Variants in AFAP1 observed in about 807,000 individuals in gnomAD.
AFAP1 encodes actin filament-associated protein 1.
Under a neutral mutation model 93.9 loss-of-function variants are expected in AFAP1, and 75 were observed. The observed-to-expected ratio is 0.80, with a 90% confidence interval of 0.66 to 0.97. The LOEUF (loss-of-function observed/expected upper bound fraction) is 0.97. Among genes scored for constraint, AFAP1 ranks in the 50% least tolerant of loss-of-function variants. The pLI, the probability that AFAP1 is intolerant of heterozygous loss-of-function variation, is 0.00. For missense variants in AFAP1, 1,201 were observed against 1,050.8 expected, an observed-to-expected ratio of 1.14 and a Z score of -1.98; for synonymous variants, 517 against 430.7, an observed-to-expected ratio of 1.20 and a Z score of -2.48.
chr4:7,839,182 A>G (rs1170355622), intron 5 of AFAP1, among the ~76,000 whole-genome samples: 1 of 152,070 alleles, frequency 6.6e-6, no homozygotes, highest in African/African-American at 2.4e-5. Context: ...CAAAAACATA[A>G]AAAATTAGCC....
chr4:7,816,201 A>C, intron 7 of AFAP1, 102 bp from the exon 8 acceptor site: 1 of 987,414 alleles, frequency 1.0e-6, no homozygotes, highest in East Asian at 2.5e-5. Context: ...AAGAAAACAC[A>C]GGCCAAATTC....
intron 1 of AFAP1, among the ~76,000 whole-genome samples, chr4:7,876,326 C>T (rs765339257): frequency 6.6e-6 from 1 of 152,256 alleles, no homozygotes; most frequent in Non-Finnish European, 1.5e-5. Flanking sequence ...TCAGCAGCCA[C>T]TGCTATACTG....
At chr4:7,916,609 C>T (rs748413470) in intron 1 of AFAP1, among the ~76,000 whole-genome samples, 4 of 152,084 alleles carry the variant, frequency 2.6e-5, no homozygotes, top group Non-Finnish European at 5.9e-5. Context: ...CCCTCCCCCT[C>T]CTGCAGGAGT....
chr4:7,855,337 G>T, intron 4 of AFAP1, 129 bp downstream of exon 4: 1 of 684,122 alleles, frequency 1.5e-6, no homozygotes, highest in Non-Finnish European at 2.4e-6. Flanking sequence ...ATCTCTTTGG[G>T]TTCAAAAAGT....
chr4:7,851,619 G>A (rs1366013574), intron 4 of AFAP1, among the ~76,000 whole-genome samples: 1 of 152,164 alleles, frequency 6.6e-6, no homozygotes, highest in African/African-American at 2.4e-5. Flanking sequence ...CAGACTTCTT[G>A]TCCAAATGGG....
chr4:7,815,185 A>G (rs571623704), intron 8 of AFAP1, among the ~76,000 whole-genome samples: 1 of 152,308 alleles, frequency 6.6e-6, no homozygotes, highest in East Asian at 1.9e-4. Flanking sequence ...ACTCCACTTC[A>G]ATGAGGTCCC....
In AFAP1 at chr4:7,760,258, G is replaced by A. The variant is rs964532654; in HGVS notation, c.*3507C>T. 2 of 152,238 alleles carry A rather than the reference G, an allele frequency of 1.3e-5. No homozygotes were observed. The highest frequency in any genetic ancestry group is 1.3e-4 in the Admixed American group (2 of 15,288). The allele number at this position is 152,238 out of a possible 1,614,324, so 9.4% of individuals were successfully genotyped here. On this transcript the variant is annotated 3_prime_UTR_variant, in exon 18 of 18. Transcript: ENST00000420658. ...TTTTAGGGTAGTTTTTGTCTATTTA[G>A]AAATGGCCAGTAATAATTCTGGGAT...
chr4:7,776,112 A>G (rs1262958910), intron 14 of AFAP1: 2 of 152,254 alleles, frequency 1.3e-5, no homozygotes, highest in African/African-American at 4.8e-5. Flanking sequence ...GTGGTCTCCC[A>G]GTCGCTTCTA....
chr4:7,782,577 G>T (rs1716883817), intron 12 of AFAP1, among the ~76,000 whole-genome samples: 1 of 152,166 alleles, frequency 6.6e-6, no homozygotes, highest in South Asian at 2.1e-4. Context: ...TGAGAACATG[G>T]GTATTAAAGT....
At chr4:7,797,800 T>A (rs1448129537) in intron 10 of AFAP1, among the ~76,000 whole-genome samples, 1 of 151,950 alleles carries the variant, frequency 6.6e-6, no homozygotes, top group African/African-American at 2.4e-5. Context: ...CAAATATACA[T>A]CAAAGTATTT....
At chr4:7,776,889 A>T (rs1466442829) in intron 14 of AFAP1, 1 of 152,138 alleles carries the variant, frequency 6.6e-6, no homozygotes, top group East Asian at 1.9e-4. Context: ...AAATTTCCAC[A>T]TCTTTTGGTC....
intron 1 of AFAP1, among the ~76,000 whole-genome samples, chr4:7,886,384 T>C (rs1030428639): frequency 4.7e-4 from 71 of 152,344 alleles, no homozygotes; most frequent in African/African-American, 1.6e-3. Flanking sequence ...CTCTCCAGTG[T>C]CTCAACAGAA....
At chr4:7,841,634 T>G (rs1051998429) in intron 5 of AFAP1, among the ~76,000 whole-genome samples, 3 of 152,238 alleles carry the variant, frequency 2.0e-5, no homozygotes, top group Admixed American at 6.5e-5. Flanking sequence ...CTGTTCATTA[T>G]TTTTTATGCC....
chr4:7,915,364 G>A (rs769451065), intron 1 of AFAP1, among the ~76,000 whole-genome samples: 5 of 142,500 alleles, frequency 3.5e-5, no homozygotes, highest in Non-Finnish European at 6.0e-5. Flanking sequence ...TTCAAGAAAC[G>A]TCTGTTCGGT....
rs114398486 is a variant in AFAP1 at position 7,875,140 on chromosome 4, T to C, written c.-2-3060A>G. ...ACAAAAGCATAATGAAAATGATTCA[T>C]GCAAAAAGCCTAAGCAAAAAAGTTT... On this transcript the variant is annotated intron_variant, in intron 1 of 17. Coordinates refer to ENST00000420658, the MANE Select transcript of AFAP1 (RefSeq NM_001134647.2). Among the ~76,000 whole-genome samples the C allele has an allele frequency of 5.9e-3, 902 of 152,328 alleles. 7 individuals carry two copies. The highest frequency in any genetic ancestry group is 0.019 in the African/African-American group (789 of 41,586).
Position 7,939,081 on chromosome 4 carries a change from A to G in AFAP1, c.-3+575T>C, listed in dbSNP as rs373380117. ...ACCCAGACGAGCCACGGGGCGGCGC[A>G]GAGCCCCACTCGCAGGGCGGCCGGG... On this transcript the variant is annotated intron_variant, in intron 1 of 17. Coordinates refer to ENST00000420658, the MANE Select transcript of AFAP1 (RefSeq NM_001134647.2). This position sits in a 1 kb window ranked among gnomAD's most constrained non-coding sequence, Gnocchi z 5.6. The G allele has an allele frequency of 3.2e-5, 5 of 158,260 alleles. No individual in the cohort carries two copies. Among genetic ancestry groups the G allele is most frequent in the Non-Finnish European group, 5.6e-5 (4 of 70,864 alleles). 9.8% of individuals were successfully genotyped at this position (158,260 alleles called of 1,614,324 possible).
chr4:7,933,040 A>AAAAAAAG (rs1553858303), intron 1 of AFAP1, among the ~76,000 whole-genome samples: 1 of 118,890 alleles, frequency 8.4e-6, no homozygotes. Flanking sequence ...AAAAAAAAAA[A>AAAAAAAG]GGGGGGGGAT....
At chr4:7,809,476 C>G in intron 9 of AFAP1, 138 bp downstream of exon 9, 1 of 1,010,402 alleles carries the variant, frequency 9.9e-7, no homozygotes, top group Non-Finnish European at 1.4e-6. Flanking sequence ...ACATTTCCCA[C>G]TATCTGAATG....
intron 1 of AFAP1, among the ~76,000 whole-genome samples, chr4:7,920,922 T>A (rs957063932): frequency 6.6e-6 from 1 of 151,942 alleles, no homozygotes; most frequent in African/African-American, 2.4e-5. Flanking sequence ...AAATAGTACA[T>A]AATTACAGTA....
Sources: gnomAD v4.1 joint callset for allele counts (sites outside exome capture counted in the v4.1 genomes callset) on GRCh38, gnomAD v4.1.1 for gene constraint, Gnocchi (gnomAD v3.1) non-coding constraint, MANE v1.5 for transcripts, NCBI Gene and HGNC (gene_info 2026-07-23, HGNC 2026-07-21) for gene names.